TCF12: variants seen among roughly 807,000 people sequenced by gnomAD.
The protein encoded by TCF12 is transcription factor 12.
In TCF12, 45 loss-of-function variants were observed where a neutral mutation model predicts 86.0. The ratio of observed to expected loss-of-function variants is 0.52; its 90% CI spans 0.41 to 0.67. TCF12 has a LOEUF of 0.67. TCF12 is among the 30% of genes least tolerant of loss of function. The probability of loss-of-function intolerance (pLI) is 0.00; values close to 1 mark genes in which losing one functional copy is unlikely to be tolerated. For synonymous variants in TCF12, 330 were observed against 299.6 expected, an observed-to-expected ratio of 1.10 and a Z score of -1.05; for missense variants, 881 against 859.9, an observed-to-expected ratio of 1.02 and a Z score of -0.31.
At chr15:57,241,102 T>TG (rs2059606417) in intron 12 of TCF12, among the ~76,000 whole-genome samples, 1 of 150,246 alleles carries the variant, frequency 6.7e-6, no homozygotes, top group Admixed American at 6.6e-5. Flanking sequence ...AATATTGATT[T>TG]TTTTTTTTTC....
intron 8 of TCF12, among the ~76,000 whole-genome samples, chr15:57,225,006 A>AT (rs1435101477): frequency 6.6e-6 from 1 of 152,178 alleles, no homozygotes; most frequent in African/African-American, 2.4e-5. Flanking sequence ...TACTGAAAGC[A>AT]TTGAGATATT....
At chr15:57,169,999 C>A (rs1376920552) in intron 6 of TCF12, among the ~76,000 whole-genome samples, 1 of 152,174 alleles carries the variant, frequency 6.6e-6, no homozygotes, top group African/African-American at 2.4e-5. Flanking sequence ...AAATTTGCTA[C>A]CATTTGCTGA....
chr15:57,152,625 T>C (rs1313478841), intron 5 of TCF12, among the ~76,000 whole-genome samples: 2 of 151,278 alleles, frequency 1.3e-5, no homozygotes, highest in African/African-American at 4.9e-5. Flanking sequence ...AACTTGAATA[T>C]AGGCCAGTAT....
Position 57,251,419 on chromosome 15 carries a change from C to A in TCF12, c.1184C>A (p.Ser395Tyr), listed in dbSNP as rs200108023. 1.2e-6 allele frequency: 2 copies of A among 1,613,844 alleles called. No individual in the cohort carries two copies. Among genetic ancestry groups the A allele is most frequent in the African/African-American group, 2.7e-5 (2 of 75,014 alleles). The part of the protein sequence containing the change: ...SSPSYENSLH[S>Y]LKNRVEQQLH... ...CCAAGCTATGAAAACTCACTCCACT[C>A]CCTGGTAAGAGCCTCTTATACATCA... is the stretch of plus-strand genomic sequence containing the variant. The change falls in exon 14 of 21, where the codon TCC becomes TAC. Residue 395 changes from serine (S) to tyrosine (Y), a missense_variant. Coordinates refer to ENST00000333725, the MANE Select transcript of TCF12 (RefSeq NM_207037.2).
chr15:57,047,997 A>G (rs556067869), intron 3 of TCF12, among the ~76,000 whole-genome samples: 143 of 105,432 alleles, frequency 1.4e-3, no homozygotes, highest in Admixed American at 2.5e-3. Context: ...TAAACATAGA[A>G]AAGGTACAAT....
chr15:57,114,031 T>C (rs1420368244), intron 5 of TCF12, among the ~76,000 whole-genome samples: 1 of 152,092 alleles, frequency 6.6e-6, no homozygotes, highest in African/African-American at 2.4e-5. Flanking sequence ...GAGTCTTAGA[T>C]CTTCTCAATA....
chr15:56,962,313 A>T (rs1377493835), intron 3 of TCF12, among the ~76,000 whole-genome samples: 2 of 152,186 alleles, frequency 1.3e-5, no homozygotes, highest in South Asian at 2.1e-4. Context: ...AATTGTTGTC[A>T]GTGCTGCTTA....
intron 8 of TCF12, among the ~76,000 whole-genome samples, chr15:57,216,107 C>T (rs1291998863): frequency 6.6e-6 from 1 of 152,048 alleles, no homozygotes; most frequent in Non-Finnish European, 1.5e-5. Context: ...TTAATGACTA[C>T]TGGAATAGCA....
chr15:57,058,263 T>A (rs1167785280), intron 3 of TCF12, among the ~76,000 whole-genome samples: 1 of 152,254 alleles, frequency 6.6e-6, no homozygotes, highest in Non-Finnish European at 1.5e-5. Flanking sequence ...TACTCTTACT[T>A]CTTTGATTAA....
chr15:57,027,329 A>G (rs2141308637), intron 3 of TCF12, among the ~76,000 whole-genome samples: 1 of 152,326 alleles, frequency 6.6e-6, no homozygotes, highest in Non-Finnish European at 1.5e-5. Context: ...ATTGTACAGG[A>G]TAAACTCTTG....
intron 3 of TCF12, among the ~76,000 whole-genome samples, chr15:57,051,899 C>A (rs938915941): frequency 2.0e-5 from 3 of 152,162 alleles, no homozygotes; most frequent in Non-Finnish European, 2.9e-5. Flanking sequence ...AGAGACTATC[C>A]TTTCCCTATT....
rs550804490 is a variant in TCF12 at position 57,267,529 on chromosome 15, C to T, written c.1745+4255C>T. Among the ~76,000 whole-genome samples, 4 of 152,326 alleles carry T rather than the reference C, an allele frequency of 2.6e-5. No individual in the cohort carries two copies. The South Asian group carries it at 8.3e-4, about 32-fold the overall frequency. On this transcript the variant is annotated intron_variant, in intron 18 of 20. Coordinates refer to ENST00000333725, the MANE Select transcript of TCF12 (RefSeq NM_207037.2). ...TATAGATCAGGAATCAGCAAACTTT[C>T]TCTGTAAAGTCCCAAATAGTGACTA... is the stretch of plus-strand genomic sequence containing the variant.
At chr15:57,217,664 A>G (rs578093798) in intron 8 of TCF12, among the ~76,000 whole-genome samples, 4 of 152,230 alleles carry the variant, frequency 2.6e-5, no homozygotes, top group South Asian at 2.1e-4. Context: ...CTCAATTTCT[A>G]TTGAAAAGTA....
At chr15:56,975,201 T>C (rs1439318737) in intron 3 of TCF12, among the ~76,000 whole-genome samples, 1 of 152,168 alleles carries the variant, frequency 6.6e-6, no homozygotes, top group Non-Finnish European at 1.5e-5. Flanking sequence ...CATTGGAATT[T>C]ATGTACTGGC....
At chr15:57,084,524 G>A (rs1014070864) in intron 4 of TCF12, among the ~76,000 whole-genome samples, 5 of 152,096 alleles carry the variant, frequency 3.3e-5, no homozygotes, top group African/African-American at 9.7e-5. Flanking sequence ...TTTAAATCTT[G>A]TTAAGATGCA....
At chr15:57,269,360 CTTTTTTTTTTTTTT>C (rs56700978) in intron 18 of TCF12, among the ~76,000 whole-genome samples, 3 of 32,000 alleles carry the variant, frequency 9.4e-5, no homozygotes, top group African/African-American at 2.9e-4. Context: ...ACAACCCCTG[CTTTTTTTTTTTTTT>C]TTTTTTTTTT....
chr15:57,111,353 G>T (rs758987813), intron 5 of TCF12, among the ~76,000 whole-genome samples: 1 of 152,082 alleles, frequency 6.6e-6, no homozygotes, highest in Non-Finnish European at 1.5e-5. Context: ...TGTGGGTAGG[G>T]ACAATTCCTT....
At chr15:57,050,615 G>GT (rs1339921622) in intron 3 of TCF12, among the ~76,000 whole-genome samples, 3 of 151,968 alleles carry the variant, frequency 2.0e-5, no homozygotes, top group Non-Finnish European at 4.4e-5. Flanking sequence ...ATTTTTGCCA[G>GT]TTTTTTTCTC....
chr15:57,104,203 T>C (rs1017473184), intron 5 of TCF12, among the ~76,000 whole-genome samples: 4 of 152,102 alleles, frequency 2.6e-5, no homozygotes, highest in Admixed American at 2.6e-4. Flanking sequence ...GAAAATATAC[T>C]ATATTTTCAC....
Sources: allele counts gnomAD v4.1 joint callset (sites outside exome capture counted in the v4.1 genomes callset), GRCh38; gene constraint gnomAD v4.1.1; transcripts MANE v1.5; gene names NCBI Gene and HGNC (gene_info 2026-07-23, HGNC 2026-07-21).